The following GALNT9 variants were observed in gnomAD, a reference collection of about 807,000 sequenced individuals.
GALNT9 encodes the protein GalNAc transferase 9.
In GALNT9, 47 loss-of-function variants were observed where a neutral mutation model predicts 63.1. The observed-to-expected ratio is 0.75, with a 90% CI of 0.59 to 0.95. GALNT9 has a LOEUF of 0.95. Among genes scored for constraint, GALNT9 ranks in the 40% least tolerant of loss-of-function variants. The pLI, the probability that GALNT9 is intolerant of heterozygous loss-of-function variation, is 0.00. For missense variants in GALNT9, 829 were observed against 874.8 expected, an observed-to-expected ratio of 0.95 and a Z score of 0.66; for synonymous variants, 396 against 365.7, an observed-to-expected ratio of 1.08 and a Z score of -0.94.
At chr12:132,202,401 T>G (rs1053370802) in intron 7 of GALNT9, among the ~76,000 whole-genome samples, 1 of 152,056 alleles carries the variant, frequency 6.6e-6, no homozygotes, top group Non-Finnish European at 1.5e-5. Flanking sequence ...TGGCGGGAGC[T>G]GATATGGGGG....
In GALNT9 at chr12:132,199,175, TGG is replaced by T. The variant is rs1480469397; in HGVS notation, c.1494_1495del (p.Gln499AlafsTer7). 6.3e-7 allele frequency: 1 copy of T among 1,593,356 alleles called. No individual in the cohort carries two copies. The highest frequency in any genetic ancestry group is 8.5e-7 in the Non-Finnish European group (1 of 1,170,822). On this transcript the variant is annotated frameshift_variant and splice_region_variant, in exon 9 of 11. Coordinates refer to ENST00000328957, the MANE Select transcript of GALNT9 (RefSeq NM_001122636.2). LOFTEE classifies it high-confidence loss of function. ...ATGGGTGGCCGCTGCTACTCCTACC[TGG>T]GAGGACATCCCGTGGCAGGGGTAGA...
At chr12:132,317,797 AG>A (rs1555245833) in intron 1 of GALNT9, among the ~76,000 whole-genome samples, 1 of 152,066 alleles carries the variant, frequency 6.6e-6, no homozygotes, top group Non-Finnish European at 1.5e-5. Context: ...AAGAAGGAGG[AG>A]GGGTATCGGT....
rs1593078407 is a variant in GALNT9 at position 132,241,528 on chromosome 12, C to G, written c.1077+6382G>C. 7.2e-5 allele frequency among the ~76,000 whole-genome samples: 9 copies of G among 124,262 alleles called. No individual in the cohort carries two copies. The East Asian group carries it at 8.3e-4, about 11-fold the overall frequency. 81.5% of individuals were successfully genotyped at this position (124,262 alleles called of 152,430 possible). ...CTATACCCATTACACACACGCCACACCCCCTTCCCGGGGCCCTCCCTATAC... is the reference window on the plus strand; with the variant it reads ...CTATACCCATTACACACACGCCACAGCCCCTTCCCGGGGCCCTCCCTATAC... On this transcript the variant is annotated intron_variant, in intron 6 of 10. Coordinates refer to ENST00000328957, the MANE Select transcript of GALNT9 (RefSeq NM_001122636.2).
chr12:132,239,665 GAGAC>G (rs1268951537), intron 6 of GALNT9, among the ~76,000 whole-genome samples: 2 of 151,824 alleles, frequency 1.3e-5, no homozygotes, highest in Non-Finnish European at 1.5e-5. Context: ...GAGACAGAGA[GAGAC>G]AGAGAGACAA....
At chr12:132,257,483 CCGGCCCTCGTCCT>C (rs1444025164) in intron 5 of GALNT9, among the ~76,000 whole-genome samples, 193 bp downstream of exon 5, 70 of 147,470 alleles carry the variant, frequency 4.7e-4, no homozygotes, top group African/African-American at 1.6e-3. Flanking sequence ...GCCCTCGTCC[CCGGCCCTCGTCCT>C]CATGCCCTCA....
In GALNT9 at chr12:132,302,357, C is replaced by T. The variant is rs139978686; in HGVS notation, c.239-15927G>A. On this transcript the variant is annotated intron_variant, in intron 1 of 10. Coordinates refer to ENST00000328957, the MANE Select transcript of GALNT9 (RefSeq NM_001122636.2). ...TCTGTAAGATCACGTAATGCCTCAG[C>T]GCAGTTCGATCCATGTATCTGGTGT... is the stretch of plus-strand genomic sequence containing the variant. 1.1e-3 allele frequency among the ~76,000 whole-genome samples: 170 copies of T among 152,168 alleles called. 1 individual carries two copies. The highest frequency in any genetic ancestry group is 6.8e-3 in the Middle Eastern group (2 of 294).
chr12:132,272,494 T>C (rs1555240843), intron 2 of GALNT9, among the ~76,000 whole-genome samples: 1 of 152,260 alleles, frequency 6.6e-6, no homozygotes, highest in African/African-American at 2.4e-5. Flanking sequence ...ACATTCTTTC[T>C]GGACTTTTCT....
chr12:132,267,777 ACAC>A, intron 2 of GALNT9, among the ~76,000 whole-genome samples: 1 of 117,404 alleles, frequency 8.5e-6, no homozygotes, highest in African/African-American at 3.7e-5. Context: ...GCACTCACAC[ACAC>A]GCACACACAC....
At chr12:132,302,082 A>C (rs782003996) in intron 1 of GALNT9, among the ~76,000 whole-genome samples, 3 of 152,200 alleles carry the variant, frequency 2.0e-5, no homozygotes, top group African/African-American at 4.8e-5. Context: ...AAGATAGAGA[A>C]ATTTCATGAA....
At chr12:132,267,757 A>ACACACATGCACTCACACACACT (rs1879662557) in intron 2 of GALNT9, among the ~76,000 whole-genome samples, 2 of 144,408 alleles carry the variant, frequency 1.4e-5, no homozygotes, top group African/African-American at 5.8e-5. Flanking sequence ...ACACACACTC[A>ACACACATGCACTCACACACACT]CACACACATG....
At chr12:132,291,438 GCCCACGTCC>G (rs1880836111) in intron 1 of GALNT9, among the ~76,000 whole-genome samples, 1 of 50,676 alleles carries the variant, frequency 2.0e-5, no homozygotes, top group Non-Finnish European at 3.9e-5. Flanking sequence ...CAACCACAGC[GCCCACGTCC>G]ACATCACCCA....
rs1881410988 is a variant in GALNT9, at chr12:132,303,561, A to ACACACCCTCACCTGGG, written c.239-17132_239-17131insCCCAGGTGAGGGTGTG. Among the ~76,000 whole-genome samples the ACACACCCTCACCTGGG allele has an allele frequency of 3.3e-5, 2 of 60,156 alleles. 1 individual carries two copies. Among genetic ancestry groups the ACACACCCTCACCTGGG allele is most frequent in the Non-Finnish European group, 6.9e-5 (2 of 29,032 alleles). The allele number at this position is 60,156 out of a possible 152,430, so 39.5% of individuals were successfully genotyped here. A position where few individuals can be genotyped will look rare whatever the true frequency, so the allele number is the denominator to read the frequency against. On this transcript the variant is annotated intron_variant, in intron 1 of 10. Coordinates refer to ENST00000328957, the MANE Select transcript of GALNT9 (RefSeq NM_001122636.2). ...CTCACCCGGGCACACCCTCACCCAG[A>ACACACCCTCACCTGGG]CACAGCCTCGCCCGGGCACACCCTC...
chr12:132,303,501 A>G (rs1432127597), intron 1 of GALNT9, among the ~76,000 whole-genome samples: 2 of 112,128 alleles, frequency 1.8e-5, no homozygotes, highest in East Asian at 3.3e-4. Flanking sequence ...GCCCAGACAC[A>G]CCCTCGCCTG....
intron 1 of GALNT9, among the ~76,000 whole-genome samples, chr12:132,297,925 AC>A (rs1299020476): frequency 1.3e-5 from 2 of 152,068 alleles, no homozygotes; most frequent in Non-Finnish European, 2.9e-5. Context: ...CTCCTAGACA[AC>A]CAAGCCAATC....
At chr12:132,269,713 G>A (rs1008524736) in intron 2 of GALNT9, among the ~76,000 whole-genome samples, 3 of 152,224 alleles carry the variant, frequency 2.0e-5, no homozygotes, top group Non-Finnish European at 2.9e-5. Flanking sequence ...CTGGGAACGC[G>A]TACCTGGGGC....
rs1371696035 is a variant in GALNT9, at chr12:132,236,339, C to A, written c.1077+11571G>T. Among the ~76,000 whole-genome samples the A allele has an allele frequency of 6.6e-6, 1 of 152,086 alleles. No homozygotes were observed. The highest frequency in any genetic ancestry group is 1.5e-5 in the Non-Finnish European group (1 of 67,998). ...GCCTGGGTCGGGGCCAAGGGAGCCA[C>A]ATCCAGTGTGGGGGCTGCGGGCTCC... On this transcript the variant is annotated intron_variant, in intron 6 of 10. Transcript: ENST00000328957. This position sits in a 1 kb window ranked among gnomAD's most constrained non-coding sequence, Gnocchi z 5.6.
At chr12:132,267,463 C>A (rs1555240293) in intron 2 of GALNT9, among the ~76,000 whole-genome samples, 1 of 152,226 alleles carries the variant, frequency 6.6e-6, no homozygotes, top group Non-Finnish European at 1.5e-5. Flanking sequence ...ACACGGAGAA[C>A]CCACACCGTC....
chr12:132,211,526 C>G (rs147338568), intron 6 of GALNT9, among the ~76,000 whole-genome samples: 1 of 152,146 alleles, frequency 6.6e-6, no homozygotes, highest in Admixed American at 6.6e-5. Flanking sequence ...AGCTGCCTTT[C>G]GCGCTGGCCA....
intron 5 of GALNT9, among the ~76,000 whole-genome samples, chr12:132,251,593 G>A (rs1704776561): frequency 1.3e-5 from 2 of 152,240 alleles, no homozygotes; most frequent in Non-Finnish European, 2.9e-5. Context: ...ACCAGGAGAG[G>A]TCTCAGGGAC....
Sources: allele counts gnomAD v4.1 joint callset (sites outside exome capture counted in the v4.1 genomes callset), GRCh38; gene constraint gnomAD v4.1.1; non-coding constraint Gnocchi (gnomAD v3.1); transcripts MANE v1.5; gene names NCBI Gene and HGNC (gene_info 2026-07-23, HGNC 2026-07-21).